The following POLD3 variants were observed in gnomAD, a reference collection of about 807,000 sequenced individuals.
POLD3 encodes DNA polymerase delta 3, accessory subunit.
Under a neutral mutation model 58.2 loss-of-function variants are expected in POLD3, and 19 were observed. The observed-to-expected ratio is 0.33, with a 90% CI of 0.23 to 0.48. POLD3 has a LOEUF of 0.48. POLD3 is among the 20% of genes least tolerant of loss of function. POLD3 has a pLI of 0.99. For missense variants in POLD3, 504 were observed against 545.5 expected, an observed-to-expected ratio of 0.92 and a Z score of 0.76; for synonymous variants, 172 against 193.5, an observed-to-expected ratio of 0.89 and a Z score of 0.92.
At chr11:74,594,499 T>G (rs1256475410) in intron 2 of POLD3, among the ~76,000 whole-genome samples, 1 of 152,228 alleles carries the variant, frequency 6.6e-6, no homozygotes, top group Non-Finnish European at 1.5e-5. Flanking sequence ...CAGTCTGTAA[T>G]ATGGATACAA....
chr11:74,660,755 T>C (rs919780131), intron 4 of POLD3, among the ~76,000 whole-genome samples: 1 of 152,194 alleles, frequency 6.6e-6, no homozygotes, highest in Non-Finnish European at 1.5e-5. Flanking sequence ...CCTCTTCACC[T>C]TCCGCCATGA....
chr11:74,659,420 T>C (rs1220855107), intron 4 of POLD3, among the ~76,000 whole-genome samples: 1 of 152,248 alleles, frequency 6.6e-6, no homozygotes, highest in Non-Finnish European at 1.5e-5. Flanking sequence ...GGATTAATGC[T>C]AGACTCCTTA....
chr11:74,596,810 C>T lies in POLD3; in HGVS notation c.116+2694C>T, dbSNP rs114729654. On this transcript the variant is annotated intron_variant, in intron 2 of 11. Transcript: ENST00000263681. Reference sequence around the variant, plus strand: ...TATGGAAAGAAAATTCTGCTTTCCACTTCCGTGAGATCACCTTTTACAGAT... The same window carrying T: ...TATGGAAAGAAAATTCTGCTTTCCATTTCCGTGAGATCACCTTTTACAGAT... Among the ~76,000 whole-genome samples the T allele has an allele frequency of 8.7e-3, 1,321 of 152,342 alleles. 28 individuals carry two copies. The highest frequency in any genetic ancestry group is 0.03 in the African/African-American group (1,245 of 41,584).
In POLD3 at chr11:74,655,670, A is replaced by G. The variant is rs75416621; in HGVS notation, c.370-13107A>G. Among the ~76,000 whole-genome samples the G allele has an allele frequency of 2.4e-3, 361 of 152,270 alleles. 1 individual carries two copies. The highest frequency in any genetic ancestry group is 8.4e-3 in the African/African-American group (351 of 41,566). ...ACCTATATTTGACCAAAAAAAAAAA[A>G]AAGAACACTTTTCAAAAAGTAGGAA... On this transcript the variant is annotated intron_variant, in intron 4 of 4. Transcript: ENST00000524752.
downstream of POLD3, among the ~76,000 whole-genome samples, chr11:74,647,601 G>T (rs1207504747): frequency 1.3e-5 from 2 of 152,138 alleles, no homozygotes; most frequent in African/African-American, 4.8e-5. Flanking sequence ...TTACAAATGT[G>T]GCTTGAGTCA....
In POLD3 at chr11:74,640,696, A is replaced by G. The variant is rs570948954; in HGVS notation, c.1331A>G (p.Lys444Arg). 6.2e-7 allele frequency: 1 copy of G among 1,613,160 alleles called. No homozygotes were observed. The highest frequency in any genetic ancestry group is 2.2e-5 in the East Asian group (1 of 44,856). ...CCCAGAGAGGAACGAAAGGGCCCCA[A>G]GAAAGGGACTGCTGCTCTGGGCAAA... ...KEPREERKGP[K>R]KGTAALGKAN... The change falls in exon 12 of 12, where the codon AAG becomes AGG. Residue 444 changes from lysine (K) to arginine (R), a missense_variant. Physicochemically the swap from Lys to Arg is conservative, Grantham distance 26. This residue lies in a region of POLD3 where 385 missense variants were observed against 370.5 expected (regional missense o/e 1.04). Coordinates refer to ENST00000263681, the MANE Select transcript of POLD3 (RefSeq NM_006591.3).
At chr11:74,625,776 G>A (rs1316260625) in intron 8 of POLD3, among the ~76,000 whole-genome samples, 1 of 152,034 alleles carries the variant, frequency 6.6e-6, no homozygotes, top group Non-Finnish European at 1.5e-5. Context: ...CAGTTTGGAT[G>A]ATTTAAGGAC....
chr11:74,642,700 A>G lies in POLD3; in HGVS notation c.*1934A>G, dbSNP rs1471777442. On this transcript the variant is annotated 3_prime_UTR_variant, in exon 12 of 12. Coordinates refer to ENST00000263681, the MANE Select transcript of POLD3 (RefSeq NM_006591.3). ...ATACCATGTTAACCACATGAGTTAAATAAATTTGAGAAGTTGTTTTAAAAC... is the reference window on the plus strand; with the variant it reads ...ATACCATGTTAACCACATGAGTTAAGTAAATTTGAGAAGTTGTTTTAAAAC... 24 of 984,538 alleles carry G rather than the reference A, an allele frequency of 2.4e-5. No homozygotes were observed. Among genetic ancestry groups the G allele is most frequent in the Non-Finnish European group, 2.8e-5 (23 of 829,264 alleles). 61.0% of individuals were successfully genotyped at this position (984,538 alleles called of 1,614,324 possible).
chr11:74,638,678 G>C (rs1257013205), intron 11 of POLD3: 5 of 455,838 alleles, frequency 1.1e-5, no homozygotes, highest in Admixed American at 7.1e-5. Flanking sequence ...TGAACGAATA[G>C]GTATGCCATG....
intron 4 of POLD3, among the ~76,000 whole-genome samples, chr11:74,654,525 A>T (rs1182739000): frequency 6.6e-6 from 1 of 152,264 alleles, no homozygotes; most frequent in Admixed American, 6.5e-5. Flanking sequence ...CTCTTTAAAA[A>T]GAAATTGTCA....
rs552571781 is a variant in POLD3 at position 74,642,276 on chromosome 11, A to G, written c.*1510A>G. 6.2e-5 allele frequency: 61 copies of G among 985,198 alleles called. No individual in the cohort carries two copies. Among genetic ancestry groups the G allele is most frequent in the East Asian group, 5.7e-4 (5 of 8,818 alleles). The allele number at this position is 985,198 out of a possible 1,614,324, so 61.0% of individuals were successfully genotyped here. ...TCTAGGACTAAAGCAGTGGCTTTGTATAGCAAGCTGAGTAAAGGTTGACAT... is the reference window on the plus strand; with the variant it reads ...TCTAGGACTAAAGCAGTGGCTTTGTGTAGCAAGCTGAGTAAAGGTTGACAT... On this transcript the variant is annotated 3_prime_UTR_variant, in exon 12 of 12. Transcript: ENST00000263681.
At chr11:74,623,611 G>A (rs1419231118) in intron 7 of POLD3, among the ~76,000 whole-genome samples, 1 of 152,108 alleles carries the variant, frequency 6.6e-6, no homozygotes, top group East Asian at 1.9e-4. Context: ...GAATTTTATT[G>A]TATGTGAATT....
At chr11:74,607,240 T>TTTTATA (rs1554974447) in intron 3 of POLD3, among the ~76,000 whole-genome samples, 1 of 61,916 alleles carries the variant, frequency 1.6e-5, no homozygotes, top group African/African-American at 8.5e-5. Context: ...ATTATTATTA[T>TTTTATA]TATATATTTA....
In POLD3 at chr11:74,594,116, A is replaced by G; in HGVS notation, c.116A>G (p.Gln39Arg). 6.3e-7 allele frequency: 1 copy of G among 1,575,640 alleles called. No individual in the cohort carries two copies. The highest frequency in any genetic ancestry group is 1.1e-5 in the South Asian group (1 of 90,250). Residue 39 changes from glutamine to arginine, a missense_variant and splice_region_variant, in exon 2 of 12, where the codon CAG becomes CGG. Around this residue, in one of 2 missense-constraint regions of POLD3, gnomAD observed 119 missense variants for 175.0 expected, o/e 0.68. Coordinates refer to ENST00000263681, the MANE Select transcript of POLD3 (RefSeq NM_006591.3). ...TLGVHVNQAK[Q>R]MLYDYVERKR... ...GGGGTTCATGTTAACCAGGCCAAAC[A>G]GTAAGTCCAATTTACTACCAATTTT...
chr11:74,592,797 C>T (rs2031079829), intron 1 of POLD3, 79 bp downstream of exon 1: 1 of 1,579,866 alleles, frequency 6.3e-7, no homozygotes, highest in African/African-American at 1.4e-5. Flanking sequence ...CCTTGACCCT[C>T]TGTCTGCTTG....
At chr11:74,631,208 C>T (rs968452597) in intron 9 of POLD3, among the ~76,000 whole-genome samples, 2 of 152,174 alleles carry the variant, frequency 1.3e-5, no homozygotes, top group Non-Finnish European at 1.5e-5. Flanking sequence ...AATATGCTGT[C>T]TTCAGCCAGA....
At position 74,618,674 on chromosome 11, in the gene POLD3, A is replaced by G; in HGVS notation, c.530A>G (p.His177Arg). 2 of 1,614,216 alleles carry G rather than the reference A, an allele frequency of 1.2e-6. No homozygotes were observed. The highest frequency in any genetic ancestry group is 1.1e-5 in the South Asian group (1 of 91,086). ...AACAATGAGCTGACCACCAATGGTC[A>G]TGGCCCACCTGCATCCAAGCAGGTT... ...QANNELTTNGHGPPASKQVSQ... is the reference protein window; with the variant it reads ...QANNELTTNGRGPPASKQVSQ... Residue 177 changes from histidine to arginine, a missense_variant, in exon 6 of 12, where the codon CAT becomes CGT. Physicochemically the swap from His to Arg is conservative, Grantham distance 29. Transcript: ENST00000263681.
At chr11:74,636,153 A>T in intron 10 of POLD3, 44 bp from the exon 11 acceptor site, 1 of 1,563,780 alleles carries the variant, frequency 6.4e-7, no homozygotes, top group Non-Finnish European at 8.8e-7. Flanking sequence ...TTTTCTGTAT[A>T]ACATAATTGA....
At chr11:74,661,727 T>A (rs2135200293) in intron 4 of POLD3, among the ~76,000 whole-genome samples, 1 of 152,312 alleles carries the variant, frequency 6.6e-6, no homozygotes, top group South Asian at 2.1e-4. Context: ...AGTTCCACAA[T>A]CAGCAGGTAG....
Sources: allele counts gnomAD v4.1 joint callset (sites outside exome capture counted in the v4.1 genomes callset), GRCh38; gene constraint gnomAD v4.1.1; regional missense constraint gnomAD v4.1.1; transcripts MANE v1.5; gene names NCBI Gene and HGNC (gene_info 2026-07-23, HGNC 2026-07-21).